The following PKD1L3 variants were observed in gnomAD, a reference collection of about 807,000 sequenced individuals.
PKD1L3 encodes the protein polycystin 1 like 3, transient receptor potential channel interacting, also known as polycystin-1-like protein 3.
Under a neutral mutation model 184.1 loss-of-function variants are expected in PKD1L3, and 239 were observed. The observed-to-expected ratio is 1.30, with a 90% confidence interval of 1.17 to 1.45. PKD1L3 has a LOEUF of 1.45. Ranked by LOEUF, PKD1L3 falls within the 40% of genes most tolerant of loss-of-function variation. The probability of loss-of-function intolerance (pLI) is 0.00; values close to 1 mark genes in which losing one functional copy is unlikely to be tolerated. For missense variants in PKD1L3, 2,660 were observed against 2,067.2 expected (o/e 1.29, Z -5.56); for synonymous variants, 996 against 778.8 (o/e 1.28, Z -4.64).
At chr16:71,935,639 G>A (rs2038149314) in intron 25 of PKD1L3, 121 bp from the exon 26 acceptor site, 1 of 906,698 alleles carries the variant, frequency 1.1e-6, no homozygotes, top group Non-Finnish European at 1.6e-6. Context: ...GCATTTATCA[G>A]ATCTCACTTG....
intron 16 of PKD1L3, among the ~76,000 whole-genome samples, chr16:71,956,044 G>C (rs753559840): frequency 6.6e-6 from 1 of 152,048 alleles, no homozygotes; most frequent in Non-Finnish European, 1.5e-5. Flanking sequence ...TTTTTGTAGA[G>C]ATGGAGTTTT....
At chr16:71,964,606 T>C (rs2039425937) in intron 15 of PKD1L3, among the ~76,000 whole-genome samples, 1 of 151,932 alleles carries the variant, frequency 6.6e-6, no homozygotes, top group South Asian at 2.1e-4. Flanking sequence ...CCCAAAGTGC[T>C]GGGATCACAG....
At chr16:71,987,947 G>T (rs975094985) in intron 4 of PKD1L3, among the ~76,000 whole-genome samples, 2 of 152,154 alleles carry the variant, frequency 1.3e-5, no homozygotes, top group African/African-American at 4.8e-5. Flanking sequence ...GAGTGATGGT[G>T]GCAGGAGGGG....
At chr16:71,976,449 G>A (rs949138868) in intron 11 of PKD1L3, among the ~76,000 whole-genome samples, 6 of 150,882 alleles carry the variant, frequency 4.0e-5, no homozygotes, top group African/African-American at 1.2e-4. Context: ...CAGAGATGGG[G>A]TTTCATCATG....
chr16:71,941,838 C>A (rs1298062496), intron 24 of PKD1L3, among the ~76,000 whole-genome samples: 2 of 151,516 alleles, frequency 1.3e-5, no homozygotes, highest in Non-Finnish European at 2.9e-5. Context: ...CCTGCCTCGG[C>A]CTCCCAAAGT....
rs2038838644 is a variant in PKD1L3 at position 71,951,627 on chromosome 16, G to A, written c.3127C>T (p.Leu1043Phe). ...ITKLVKLLSSLVSSHLEGQGC... is the reference protein window; with the variant it reads ...ITKLVKLLSSFVSSHLEGQGC... The stretch of plus-strand genomic sequence containing the variant: ...TGACCCTCCAAGTGAGATGATACGA[G>A]GCTGGATAAAAGTTTCACCAGCTTA... Residue 1043 changes from leucine (L) to phenylalanine (F), a missense_variant, in exon 19 of 30, where the codon CTC becomes TTC. Leu to Phe is a conservative substitution (Grantham distance 22, BLOSUM62 0). Transcript: ENST00000620267. 6.4e-7 allele frequency: 1 copy of A among 1,551,792 alleles called. No homozygotes were observed. The highest frequency in any genetic ancestry group is 8.7e-7 in the Non-Finnish European group (1 of 1,147,010).
chr16:71,963,896 G>T (rs569757349), intron 15 of PKD1L3, among the ~76,000 whole-genome samples: 1 of 152,216 alleles, frequency 6.6e-6, no homozygotes, highest in East Asian at 1.9e-4. Flanking sequence ...AGATAAGTAT[G>T]TATCTACACA....
chr16:71,935,349 T>C lies in PKD1L3; in HGVS notation c.4613+9A>G. On this transcript the variant is annotated intron_variant, in intron 26 of 29. Transcript: ENST00000620267. ...AGGAATATGCTGTGCCCCTCAGGCT[T>C]CCTCTCACCTGTCCTGGTCATCGCG... is the stretch of plus-strand genomic sequence containing the variant. The C allele has an allele frequency of 3.9e-6, 6 of 1,549,458 alleles. No homozygotes were observed. Among genetic ancestry groups the C allele is most frequent in the Non-Finnish European group, 4.4e-6 (5 of 1,145,844 alleles).
At chr16:71,941,678 G>C (rs991232877) in intron 24 of PKD1L3, among the ~76,000 whole-genome samples, 14 of 150,212 alleles carry the variant, frequency 9.3e-5, no homozygotes, top group Non-Finnish European at 1.9e-4. Flanking sequence ...TCCACCTCCT[G>C]GGTTCAAGCG....
intron 5 of PKD1L3, 81 bp downstream of exon 5, chr16:71,986,140 T>G: frequency 6.7e-7 from 1 of 1,484,864 alleles, no homozygotes; most frequent in Non-Finnish European, 9.1e-7. Context: ...TTAGGTGTAG[T>G]TCTGCAGGGA....
intron 15 of PKD1L3, among the ~76,000 whole-genome samples, chr16:71,965,042 T>C (rs1393751206): frequency 1.3e-5 from 2 of 151,798 alleles, no homozygotes; most frequent in Non-Finnish European, 2.9e-5. Context: ...GAGACAGAAT[T>C]TCACCATGTT....
At chr16:71,970,962 T>C (rs2039688121) in intron 12 of PKD1L3, among the ~76,000 whole-genome samples, 1 of 152,236 alleles carries the variant, frequency 6.6e-6, no homozygotes, top group South Asian at 2.1e-4. Context: ...GCAAAACACT[T>C]ATTTATCTAT....
intron 24 of PKD1L3, among the ~76,000 whole-genome samples, chr16:71,939,184 T>C (rs1481501060): frequency 6.6e-6 from 1 of 152,234 alleles, no homozygotes; most frequent in Non-Finnish European, 1.5e-5. Context: ...CCGGCACCTG[T>C]GCCAGCACAT....
At chr16:71,954,049 C>CAAA in intron 17 of PKD1L3, 56 bp downstream of exon 17, 2 of 1,124,736 alleles carry the variant, frequency 1.8e-6, no homozygotes, top group Non-Finnish European at 2.4e-6. Context: ...GACCCTGTCT[C>CAAA]AAAAAAAAAA....
intron 28 of PKD1L3, among the ~76,000 whole-genome samples, chr16:71,932,612 T>G (rs530468963): frequency 6.9e-4 from 105 of 152,150 alleles, no homozygotes; most frequent in African/African-American, 2.2e-3. Context: ...GAGCTGGGAT[T>G]ACAGGTGTGC....
chr16:71,999,398 G>A (rs2040896025), intron 1 of PKD1L3, among the ~76,000 whole-genome samples: 1 of 152,148 alleles, frequency 6.6e-6, no homozygotes, highest in Non-Finnish European at 1.5e-5. Context: ...GGAAAAAAAT[G>A]ACCATCAAAG....
intron 17 of PKD1L3, 54 bp from the exon 18 acceptor site, chr16:71,953,147 A>C (rs1044582619): frequency 1.8e-5 from 14 of 776,464 alleles, no homozygotes; most frequent in Non-Finnish European, 2.4e-5. Flanking sequence ...AATAATCGCA[A>C]AGTCATTCCT....
rs1432200193 is a variant in PKD1L3, at chr16:71,997,106, A to G, written c.418+1166T>C. On this transcript the variant is annotated intron_variant, in intron 2 of 29. Transcript: ENST00000620267. ...GGAGAGTGGAAACAGTATGACTGCTATGGCTAGACCACAGTGGTTTAATCA... is the reference window on the plus strand; with the variant it reads ...GGAGAGTGGAAACAGTATGACTGCTGTGGCTAGACCACAGTGGTTTAATCA... 2.6e-5 allele frequency among the ~76,000 whole-genome samples: 4 copies of G among 152,208 alleles called. No individual in the cohort carries two copies. In the East Asian group the frequency reaches 7.7e-4, roughly 29 times the overall value.
intron 24 of PKD1L3, among the ~76,000 whole-genome samples, chr16:71,940,930 G>A (rs1401609710): frequency 6.6e-6 from 1 of 151,898 alleles, no homozygotes; most frequent in African/African-American, 2.4e-5. Flanking sequence ...TTGATTCCCA[G>A]GATCAAACCA....
Sources: gnomAD v4.1 joint callset for allele counts (sites outside exome capture counted in the v4.1 genomes callset) on GRCh38, gnomAD v4.1.1 for gene constraint, MANE v1.5 for transcripts, NCBI Gene and HGNC (gene_info 2026-07-23, HGNC 2026-07-21) for gene names.